RIN2: variants seen among roughly 807,000 people sequenced by gnomAD.
The protein encoded by RIN2 is Ras and Rab interactor 2.
A neutral mutation model predicts 78.0 loss-of-function variants in RIN2; 36 were observed. The ratio of observed to expected loss-of-function variants is 0.46; its 90% CI spans 0.35 to 0.61. The LOEUF is 0.61. Among genes scored for constraint, RIN2 ranks in the 20% least tolerant of loss-of-function variants. RIN2 has a pLI of 0.00. For missense variants in RIN2, 1,087 were observed against 1,159.7 expected (o/e 0.94, Z 0.91); for synonymous variants, 466 against 466.8 (o/e 1.00, Z 0.02).
intron 2 of RIN2, among the ~76,000 whole-genome samples, chr20:19,853,108 C>A (rs1178255794): frequency 2.0e-5 from 3 of 149,162 alleles, no homozygotes; most frequent in Admixed American, 6.8e-5. Flanking sequence ...GTTCAATTCC[C>A]ACCTATGAGT....
intron 1 of RIN2, among the ~76,000 whole-genome samples, chr20:19,766,988 G>C (rs1391885169): frequency 6.6e-6 from 1 of 152,028 alleles, no homozygotes; most frequent in African/African-American, 2.4e-5. Flanking sequence ...CGTGGAGTTT[G>C]TAGGGGCCAA....
At chr20:19,864,193 G>A (rs986485344) in intron 2 of RIN2, among the ~76,000 whole-genome samples, 11 of 152,112 alleles carry the variant, frequency 7.2e-5, no homozygotes, top group African/African-American at 2.7e-4. Context: ...ACTATTGACA[G>A]TACCCTGGTT....
chr20:19,843,403 G>A (rs1454850323), intron 2 of RIN2, among the ~76,000 whole-genome samples: 1 of 152,152 alleles, frequency 6.6e-6, no homozygotes, highest in Middle Eastern at 3.2e-3. Flanking sequence ...AATTGCCACA[G>A]CAACACCAAC....
At chr20:19,840,314 G>A (rs2036543065) in intron 2 of RIN2, among the ~76,000 whole-genome samples, 1 of 152,186 alleles carries the variant, frequency 6.6e-6, no homozygotes, top group Non-Finnish European at 1.5e-5. Context: ...GTAAGACAGT[G>A]GCCACGCTCA....
intron 2 of RIN2, among the ~76,000 whole-genome samples, chr20:19,866,013 A>G (rs565714276): frequency 3.4e-4 from 52 of 152,072 alleles, no homozygotes; most frequent in African/African-American, 1.3e-3. Context: ...CTTTATTTCT[A>G]TTATTATTAC....
intron 2 of RIN2, among the ~76,000 whole-genome samples, chr20:19,837,169 AACACACACAC>A (rs142399537): frequency 1.0e-3 from 144 of 140,178 alleles, no homozygotes; most frequent in Middle Eastern, 7.4e-3. Context: ...CGCCCCCCCC[AACACACACAC>A]ACACACACAC....
intron 3 of RIN2, 23 bp downstream of exon 3, chr20:19,889,681 A>G: frequency 1.4e-6 from 2 of 1,457,574 alleles, no homozygotes; most frequent in East Asian, 2.6e-5. Context: ...CTTGATTGGG[A>G]TCTCAACTCG....
At chr20:19,963,213 A>G (rs1022741563) in intron 6 of RIN2, among the ~76,000 whole-genome samples, 2 of 152,116 alleles carry the variant, frequency 1.3e-5, no homozygotes, top group Non-Finnish European at 2.9e-5. Flanking sequence ...AAATTGTGGC[A>G]CACGTGTGTT....
chr20:19,864,088 G>T (rs1361214885), intron 2 of RIN2, among the ~76,000 whole-genome samples: 1 of 151,798 alleles, frequency 6.6e-6, no homozygotes, highest in South Asian at 2.1e-4. Context: ...TTATACGATG[G>T]ATATCCATGG....
intron 2 of RIN2, among the ~76,000 whole-genome samples, chr20:19,880,852 C>G (rs367824544): frequency 1.3e-5 from 2 of 152,158 alleles, no homozygotes; most frequent in South Asian, 2.1e-4. Context: ...AAAGGAAGAT[C>G]TTTTCTTCTT....
rs749497967 is a variant in RIN2, at chr20:19,975,182, C to T, written c.1157C>T (p.Pro386Leu). Residue 386 changes from proline (P) to leucine (L), a missense_variant, in exon 9 of 13, where the codon CCG (proline) becomes CTG (leucine). Physicochemically the swap from Pro to Leu is moderately conservative, Grantham distance 98 (BLOSUM62 -3). This residue lies in a region of RIN2 where 706 missense variants were observed against 667.5 expected (regional missense o/e 1.06). Coordinates refer to ENST00000255006, the MANE Select transcript of RIN2 (RefSeq NM_018993.4). This position sits in a 1 kb window ranked among gnomAD's most constrained non-coding sequence, Gnocchi z 4.9. ...AGCGGCGGCCGGCCGGGCGCAGGCCCGGAGCTGGAGCTGGGCACAGCTGGC... is the reference window on the plus strand; with the variant it reads ...AGCGGCGGCCGGCCGGGCGCAGGCCTGGAGCTGGAGCTGGGCACAGCTGGC... ...TLSGGRPGAGPELELGTAGSP... is the reference protein window; with the variant it reads ...TLSGGRPGAGLELELGTAGSP... The T allele has an allele frequency of 4.4e-6, 7 of 1,608,690 alleles. No individual in the cohort carries two copies. In the South Asian group the frequency reaches 4.4e-5, roughly 10 times the overall value.
intron 2 of RIN2, among the ~76,000 whole-genome samples, chr20:19,839,245 A>G (rs1195164712): frequency 6.6e-6 from 1 of 152,246 alleles, no homozygotes; most frequent in Non-Finnish European, 1.5e-5. Flanking sequence ...ACGCAATTGC[A>G]TAAATACTTG....
chr20:19,873,984 A>T (rs2123386722), intron 2 of RIN2, among the ~76,000 whole-genome samples: 1 of 152,178 alleles, frequency 6.6e-6, no homozygotes, highest in South Asian at 2.1e-4. Context: ...ATGAAGCTCT[A>T]CCTTCTTGTT....
At position 19,793,586 on chromosome 20, in the gene RIN2, G is replaced by A. The variant is rs181054746; in HGVS notation, c.-162-6036G>A. On this transcript the variant is annotated intron_variant, in intron 1 of 12. Coordinates refer to ENST00000255006, the MANE Select transcript of RIN2 (RefSeq NM_018993.4). ...TCTTCACAGCTGGCCTAATCCTGAG[G>A]TTTTCACAAATGAAAACTCAAAGGG... is the stretch of plus-strand genomic sequence containing the variant. 6.6e-5 allele frequency among the ~76,000 whole-genome samples: 10 copies of A among 152,212 alleles called. No homozygotes were observed. In the East Asian group the frequency reaches 1.7e-3, roughly 26 times the overall value.
chr20:19,870,184 A>T (rs1407003928), intron 2 of RIN2, among the ~76,000 whole-genome samples: 1 of 152,168 alleles, frequency 6.6e-6, no homozygotes, highest in Non-Finnish European at 1.5e-5. Flanking sequence ...TCGATGACCC[A>T]AGAATGGAGC....
intron 4 of RIN2, among the ~76,000 whole-genome samples, chr20:19,948,788 GATTTTA>G (rs11472369): frequency 6.6e-6 from 1 of 151,680 alleles, no homozygotes; most frequent in South Asian, 2.1e-4. Context: ...TGTCTTGAAT[GATTTTA>G]ATTTTAATTT....
At chr20:19,936,325 A>G (rs1371600455) in intron 4 of RIN2, among the ~76,000 whole-genome samples, 5 of 152,138 alleles carry the variant, frequency 3.3e-5, no homozygotes, top group Non-Finnish European at 7.3e-5. Context: ...TTTTCCCCAT[A>G]AACTAGACAA....
chr20:19,821,861 A>T (rs2035937535), intron 2 of RIN2, among the ~76,000 whole-genome samples: 1 of 152,110 alleles, frequency 6.6e-6, no homozygotes, highest in Non-Finnish European at 1.5e-5. Flanking sequence ...AAAGGGCTGC[A>T]TTTTCACATG....
At chr20:19,989,103 C>T (rs1427696142) in intron 9 of RIN2, among the ~76,000 whole-genome samples, 1 of 152,108 alleles carries the variant, frequency 6.6e-6, no homozygotes, top group Non-Finnish European at 1.5e-5. Flanking sequence ...GTATAATTAT[C>T]AGACCTAGAA....
Sources: gnomAD v4.1 joint callset for allele counts (sites outside exome capture counted in the v4.1 genomes callset) on GRCh38, gnomAD v4.1.1 for gene constraint, gnomAD v4.1.1 regional missense constraint, Gnocchi (gnomAD v3.1) non-coding constraint, MANE v1.5 for transcripts, NCBI Gene and HGNC (gene_info 2026-07-23, HGNC 2026-07-21) for gene names.